ST7L: variants seen among roughly 807,000 people sequenced by gnomAD.
ST7L encodes suppression of tumorigenicity 7 like, also known as suppressor of tumorigenicity 7 protein-like.
In ST7L, 57 loss-of-function variants were observed where a neutral mutation model predicts 72.5. The observed-to-expected ratio is 0.79, with a 90% confidence interval of 0.64 to 0.98. The LOEUF is 0.98. Ranked by LOEUF, ST7L falls within the 50% of genes least tolerant of loss-of-function variation. The pLI is 0.00. For synonymous variants in ST7L, 221 were observed against 240.9 expected (o/e 0.92, Z 0.77); for missense variants, 576 against 672.2 (o/e 0.86, Z 1.58).
intron 9 of ST7L, among the ~76,000 whole-genome samples, chr1:112,581,528 A>G (rs1280079234): frequency 2.0e-5 from 3 of 151,920 alleles, no homozygotes; most frequent in African/African-American, 7.3e-5. Context: ...CCTCCCAAGT[A>G]GCTGGGACTA....
At chr1:112,609,628 C>T (rs1417371564) in intron 3 of ST7L, among the ~76,000 whole-genome samples, 1 of 151,994 alleles carries the variant, frequency 6.6e-6, no homozygotes, top group Admixed American at 6.6e-5. Context: ...TTGAGACCAT[C>T]CTGGCCAATA....
intron 11 of ST7L, among the ~76,000 whole-genome samples, chr1:112,574,239 CAG>C (rs1399732380): frequency 2.1e-5 from 3 of 142,484 alleles, no homozygotes; most frequent in South Asian, 2.4e-4. Context: ...TTTAATGAGA[CAG>C]AGTCTCACTC....
upstream of ST7L, chr1:112,619,316 G>A: frequency 1.6e-6 from 1 of 608,384 alleles, no homozygotes; most frequent in African/African-American, 1.8e-5. Context: ...GGGAAGGGGC[G>A]GACAGCAGCG....
intron 2 of ST7L, among the ~76,000 whole-genome samples, chr1:112,613,617 G>C (rs1443405486): frequency 6.6e-6 from 1 of 152,142 alleles, no homozygotes; most frequent in Non-Finnish European, 1.5e-5. Flanking sequence ...CATCAACATT[G>C]CAAGGGTAAT....
chr1:112,590,825 T>G (rs1276979931), intron 6 of ST7L, among the ~76,000 whole-genome samples: 2 of 152,148 alleles, frequency 1.3e-5, no homozygotes, highest in Non-Finnish European at 2.9e-5. Context: ...TCTCATGCCT[T>G]CAAGTCCATT....
At chr1:112,522,242 C>T (rs1342540010), downstream of ST7L, 1 of 152,236 alleles carries the variant, frequency 6.6e-6, no homozygotes, top group Non-Finnish European at 1.5e-5. Context: ...GTTGCCCAGG[C>T]TGGTCTTGAA....
intron 3 of ST7L, among the ~76,000 whole-genome samples, chr1:112,603,589 C>T (rs899723495): frequency 1.4e-4 from 22 of 152,204 alleles, no homozygotes; most frequent in African/African-American, 5.3e-4. Flanking sequence ...AATAAGCTGT[C>T]TTCTATTAAC....
intron 6 of ST7L, among the ~76,000 whole-genome samples, chr1:112,585,624 T>C (rs1257390032): frequency 6.6e-6 from 1 of 151,490 alleles, no homozygotes; most frequent in African/African-American, 2.4e-5. Flanking sequence ...TCCTAGCTAC[T>C]TGAGAGGCTG....
chr1:112,565,859 T>C (rs1012552586), intron 11 of ST7L, among the ~76,000 whole-genome samples: 1 of 151,758 alleles, frequency 6.6e-6, no homozygotes, highest in African/African-American at 2.4e-5. Flanking sequence ...CTACAAAAAA[T>C]ACAAAAATTA....
intron 2 of ST7L, among the ~76,000 whole-genome samples, chr1:112,616,348 T>C (rs1158797966): frequency 2.6e-5 from 4 of 152,164 alleles, no homozygotes; most frequent in Non-Finnish European, 5.9e-5. Context: ...AGATGCAGTG[T>C]TCCCCAAACT....
chr1:112,534,540 A>G (rs1323814792), intron 14 of ST7L, among the ~76,000 whole-genome samples: 1 of 152,194 alleles, frequency 6.6e-6, no homozygotes, highest in Non-Finnish European at 1.5e-5. Flanking sequence ...GAATTGTAAT[A>G]TATTATGTAG....
intron 5 of ST7L, 105 bp downstream of exon 5, chr1:112,597,866 G>A (rs1389762456): frequency 2.8e-6 from 2 of 718,874 alleles, no homozygotes; most frequent in Non-Finnish European, 4.0e-6. Flanking sequence ...ACAACTCCAA[G>A]CCAAATAACT....
chr1:112,538,223 CACAG>C (rs1424490270), intron 14 of ST7L, among the ~76,000 whole-genome samples: 1 of 152,226 alleles, frequency 6.6e-6, no homozygotes, highest in Non-Finnish European at 1.5e-5. Context: ...GAAATGCTAA[CACAG>C]ACAGTTTGCA....
In ST7L at chr1:112,546,991, T is replaced by C. The variant is rs144315611; in HGVS notation, c.1489+3610A>G. On this transcript the variant is annotated intron_variant, in intron 13 of 14. Coordinates refer to ENST00000358039, the MANE Select transcript of ST7L (RefSeq NM_017744.5). Reference sequence around the variant, plus strand: ...ATATATATATACACATATACAGGTATGTATGTATATATGGATGAGATGTTA... The same window carrying C: ...ATATATATATACACATATACAGGTACGTATGTATATATGGATGAGATGTTA... 1.5e-3 allele frequency among the ~76,000 whole-genome samples: 223 copies of C among 151,984 alleles called. 1 individual carries two copies. Among genetic ancestry groups the C allele is most frequent in the African/African-American group, 5.0e-3 (206 of 41,474 alleles).
intron 5 of ST7L, 35 bp from the exon 6 acceptor site, chr1:112,591,638 G>T: frequency 6.5e-7 from 1 of 1,544,948 alleles, no homozygotes; most frequent in Non-Finnish European, 8.8e-7. Context: ...AGATGAGATG[G>T]TAAAAAAATA....
chr1:112,618,906 C>T lies in ST7L; in HGVS notation c.205+3G>A, dbSNP rs1310803242. On this transcript the variant is annotated splice_donor_region_variant and intron_variant, in intron 1 of 14. Transcript: ENST00000358039. ...CCTGCCCCAGGAGGTCTGGTCCTCT[C>T]ACCCGCTGCCAAATTCTCACACAGC... 4 of 1,555,850 alleles carry T rather than the reference C, an allele frequency of 2.6e-6. No individual in the cohort carries two copies. The highest frequency in any genetic ancestry group is 3.5e-6 in the Non-Finnish European group (4 of 1,149,566).
At chr1:112,561,921 C>T (rs375910750) in intron 11 of ST7L, among the ~76,000 whole-genome samples, 6 of 150,658 alleles carry the variant, frequency 4.0e-5, no homozygotes, top group East Asian at 3.9e-4. Flanking sequence ...AAAACAGTTA[C>T]GTAAACTAGC....
intron 11 of ST7L, among the ~76,000 whole-genome samples, chr1:112,563,240 G>A (rs1004785839): frequency 6.6e-6 from 1 of 152,138 alleles, no homozygotes; most frequent in Non-Finnish European, 1.5e-5. Flanking sequence ...ATTTGGAAAT[G>A]GCAGAGGTAA....
At chr1:112,541,858 T>C (rs1570915580) in intron 14 of ST7L, 93 bp downstream of exon 14, 6 of 1,512,752 alleles carry the variant, frequency 4.0e-6, no homozygotes, top group Non-Finnish European at 3.5e-6. Flanking sequence ...ACAAATATCT[T>C]CCATTGTTCA....
Sources: allele counts gnomAD v4.1 joint callset (sites outside exome capture counted in the v4.1 genomes callset), GRCh38; gene constraint gnomAD v4.1.1; transcripts MANE v1.5; gene names NCBI Gene and HGNC (gene_info 2026-07-23, HGNC 2026-07-21).